GMNN: variants seen among roughly 807,000 people sequenced by gnomAD.
The protein encoded by GMNN is geminin.
A neutral mutation model predicts 20.9 loss-of-function variants in GMNN; 14 were observed. The ratio of observed to expected loss-of-function variants is 0.67; its 90% CI spans 0.44 to 1.05. The LOEUF (loss-of-function observed/expected upper bound fraction) is 1.05, where lower values mean the gene tolerates loss of function less well. Among genes scored for constraint, GMNN ranks in the 50% least tolerant of loss-of-function variants. The probability of loss-of-function intolerance (pLI) is 0.00; values close to 1 mark genes in which losing one functional copy is unlikely to be tolerated. For missense variants in GMNN, 227 were observed against 243.8 expected (o/e 0.93, Z 0.46); for synonymous variants, 81 against 85.8 (o/e 0.94, Z 0.31).
chr6:24,776,640 C>G (rs766888805), intron 1 of GMNN, among the ~76,000 whole-genome samples: 3 of 152,210 alleles, frequency 2.0e-5, no homozygotes, highest in Non-Finnish European at 2.9e-5. Flanking sequence ...AGCAGCAGTT[C>G]AGATGCTGAG....
intron 4 of GMNN, 128 bp downstream of exon 4, chr6:24,781,749 T>C (rs923663523): frequency 2.2e-6 from 1 of 450,502 alleles, no homozygotes; most frequent in African/African-American, 2.0e-5. Context: ...TAAATGTTTT[T>C]GTATGTGACC....
intron 1 of GMNN, 110 bp downstream of exon 1, chr6:24,775,354 C>T (rs1404877955): frequency 1.3e-5 from 2 of 152,274 alleles, no homozygotes; most frequent in Non-Finnish European, 2.9e-5. Flanking sequence ...CTCACTTCCG[C>T]GCTTCCTATT....
At chr6:24,778,201 G>A (rs1003459341) in intron 2 of GMNN, among the ~76,000 whole-genome samples, 13 of 152,128 alleles carry the variant, frequency 8.5e-5, no homozygotes, top group African/African-American at 2.2e-4. Context: ...ATCAATTTGC[G>A]GTTTTAAATA....
At chr6:24,776,425 G>A (rs1216001660) in intron 1 of GMNN, among the ~76,000 whole-genome samples, 1 of 152,200 alleles carries the variant, frequency 6.6e-6, no homozygotes, top group Admixed American at 6.5e-5. Flanking sequence ...TTACAGATGT[G>A]AGCCACCACG....
chr6:24,777,282 C>A lies in GMNN; in HGVS notation c.36C>A (p.Ile12=). The A allele has an allele frequency of 1.5e-6, 2 of 1,357,528 alleles. No homozygotes were observed. Among genetic ancestry groups the A allele is most frequent in the South Asian group, 1.3e-5 (1 of 76,126 alleles). 84.1% of individuals were successfully genotyped at this position (1,357,528 alleles called of 1,614,324 possible). A position where few individuals can be genotyped will look rare whatever the true frequency, so the allele number is the denominator to read the frequency against. The stretch of plus-strand genomic sequence containing the variant: ...GTATGAAGCAGAAACAAGAAGAAAT[C>A]AAAGAGAATATAAAGGTATGTGATT... The part of the protein sequence containing the change: ...NPSMKQKQEE[I]KENIKNSSVP... Residue 12 remains isoleucine, a synonymous_variant, in exon 2 of 7, where the codon ATC becomes ATA. Transcript: ENST00000230056.
chr6:24,781,595 A>G lies in GMNN; in HGVS notation c.248A>G (p.Gln83Arg), dbSNP rs1780223405. 2 of 1,517,274 alleles carry G rather than the reference A, an allele frequency of 1.3e-6. No homozygotes were observed. The highest frequency in any genetic ancestry group is 1.8e-6 in the Non-Finnish European group (2 of 1,115,552). 94.0% of individuals were successfully genotyped at this position (1,517,274 alleles called of 1,614,324 possible). Residue 83 changes from glutamine to arginine, a missense_variant, in exon 4 of 7, where the codon CAG becomes CGG. Transcript: ENST00000230056. The part of the protein sequence containing the change: ...SENKNLGGVT[Q>R]ESFDLMIKEN... Reference sequence around the variant, plus strand: ...AATAAAAATCTTGGAGGAGTCACCCAGGAGTCATTTGATCTTATGATTAAA... The same window carrying G: ...AATAAAAATCTTGGAGGAGTCACCCGGGAGTCATTTGATCTTATGATTAAA...
Position 24,781,499 on chromosome 6 carries a change from G to A in GMNN, c.152G>A (p.Arg51Lys). Reference protein sequence around the residue: ...ENELSAGLSKRKHRNDHLTST... With the variant: ...ENELSAGLSKKKHRNDHLTST... ...TAGCTGTCCGCAGGCTTGTCCAAAA[G>A]GAAACATCGGAATGACCACTTAACA... The change falls in exon 4 of 7, where the codon AGG becomes AAG. Residue 51 changes from arginine to lysine, a missense_variant. Arg to Lys is a conservative substitution (Grantham distance 26). Transcript: ENST00000230056. 1 of 1,597,300 alleles carries A rather than the reference G, an allele frequency of 6.3e-7. No individual in the cohort carries two copies. The highest frequency in any genetic ancestry group is 8.6e-7 in the Non-Finnish European group (1 of 1,167,160).
chr6:24,778,598 T>G (rs1780134547), intron 2 of GMNN, among the ~76,000 whole-genome samples: 1 of 151,850 alleles, frequency 6.6e-6, no homozygotes, highest in Non-Finnish European at 1.5e-5. Context: ...TTTGTTTGCC[T>G]TGCTTTTCTT....
intron 1 of GMNN, chr6:24,776,780 T>C (rs1277128792): frequency 1.3e-5 from 2 of 152,460 alleles, no homozygotes; most frequent in Non-Finnish European, 2.9e-5. Flanking sequence ...CATGATCTCA[T>C]TTGACCAGAT....
intron 2 of GMNN, among the ~76,000 whole-genome samples, chr6:24,779,729 A>G (rs575794196): frequency 6.6e-6 from 1 of 152,370 alleles, no homozygotes; most frequent in African/African-American, 2.4e-5. Flanking sequence ...CCATGGTGGC[A>G]GTATAACTAA....
intron 1 of GMNN, chr6:24,776,801 T>G (rs919857002): frequency 6.5e-6 from 1 of 152,828 alleles, no homozygotes; most frequent in Non-Finnish European, 1.5e-5. Context: ...ATTAAGTCTG[T>G]GTTAAGTTAT....
In GMNN at chr6:24,780,810, T is replaced by A. The variant is rs981312336; in HGVS notation, c.129+70T>A. ...TACATCGAAAACATTTCTACTATTT[T>A]CTTGGTCAGAAACACGTAAATTGTT... On this transcript the variant is annotated intron_variant, in intron 3 of 6. Transcript: ENST00000230056. 4.2e-4 allele frequency: 327 copies of A among 777,862 alleles called. 3 individuals are homozygous for A. The highest frequency in any genetic ancestry group is 6.2e-5 in the Non-Finnish European group (27 of 432,904). The allele number at this position is 777,862 out of a possible 1,614,324, so 48.2% of individuals were successfully genotyped here. A position where few individuals can be genotyped will look rare whatever the true frequency, so the allele number is the denominator to read the frequency against.
chr6:24,777,283 A>T lies in GMNN; in HGVS notation c.37A>T (p.Lys13Ter). The T allele has an allele frequency of 7.4e-7, 1 of 1,359,196 alleles. No individual in the cohort carries two copies. The highest frequency in any genetic ancestry group is 1.3e-5 in the South Asian group (1 of 76,456). 84.2% of individuals were successfully genotyped at this position (1,359,196 alleles called of 1,614,324 possible). ...PSMKQKQEEIKENIKNSSVPR... is the reference protein window; with the variant it reads ...PSMKQKQEEI ...TATGAAGCAGAAACAAGAAGAAATC[A>T]AAGAGAATATAAAGGTATGTGATTG... The change falls in exon 2 of 7, where the codon AAA becomes TAA. Residue 13 changes from lysine to a stop codon, truncating the protein, a stop_gained. Transcript: ENST00000230056. LOFTEE classifies it high-confidence loss of function.
chr6:24,778,205 TTAAA>T (rs1780124753), intron 2 of GMNN, among the ~76,000 whole-genome samples: 1 of 152,166 alleles, frequency 6.6e-6, no homozygotes, highest in Non-Finnish European at 1.5e-5. Context: ...ATTTGCGGTT[TTAAA>T]TAAATAAAGA....
chr6:24,780,290 G>A (rs906895940), intron 2 of GMNN, among the ~76,000 whole-genome samples: 4 of 152,106 alleles, frequency 2.6e-5, no homozygotes, highest in African/African-American at 9.7e-5. Context: ...CTGTTCATTG[G>A]AGCTGAGGAA....
At chr6:24,780,042 T>C (rs149009732) in intron 2 of GMNN, among the ~76,000 whole-genome samples, 68 of 152,318 alleles carry the variant, frequency 4.5e-4, no homozygotes, top group Non-Finnish European at 7.9e-4. Flanking sequence ...TTGAGGGATA[T>C]TCATGATTTA....
chr6:24,779,676 G>A (rs1279325263), intron 2 of GMNN, among the ~76,000 whole-genome samples: 2 of 152,178 alleles, frequency 1.3e-5, no homozygotes, highest in Non-Finnish European at 2.9e-5. Context: ...ATGGTATCAT[G>A]TTCTTGCTAA....
In GMNN at chr6:24,785,950, C is replaced by G. The variant is rs1263269880; in HGVS notation, c.*151C>G. The G allele has an allele frequency of 1.8e-6, 1 of 548,218 alleles. No individual in the cohort carries two copies. Among genetic ancestry groups the G allele is most frequent in the African/African-American group, 2.0e-5 (1 of 50,068 alleles). 34.0% of individuals were successfully genotyped at this position (548,218 alleles called of 1,614,324 possible). A position where few individuals can be genotyped will look rare whatever the true frequency, so the allele number is the denominator to read the frequency against. ...ACCCTATTGCATTAAAGTACAAATA[C>G]TATGTATTTTTAATCTATGATGGTT... is the stretch of plus-strand genomic sequence containing the variant. On this transcript the variant is annotated 3_prime_UTR_variant, in exon 7 of 7. Transcript: ENST00000230056.
chr6:24,776,225 G>A (rs1339200372), intron 1 of GMNN, among the ~76,000 whole-genome samples: 1 of 152,052 alleles, frequency 6.6e-6, no homozygotes, highest in Non-Finnish European at 1.5e-5. Flanking sequence ...AGCCTCCCGA[G>A]TAGCTGGGAC....
Sources: gnomAD v4.1 joint callset for allele counts (sites outside exome capture counted in the v4.1 genomes callset) on GRCh38, gnomAD v4.1.1 for gene constraint, MANE v1.5 for transcripts, NCBI Gene and HGNC (gene_info 2026-07-23, HGNC 2026-07-21) for gene names.